The following FOXJ3 variants were observed in gnomAD, a reference collection of about 807,000 sequenced individuals.
FOXJ3 encodes the protein forkhead box J3.
A neutral mutation model predicts 76.1 loss-of-function variants in FOXJ3; 22 were observed. The ratio of observed to expected loss-of-function variants is 0.29; its 90% confidence interval spans 0.21 to 0.41. The LOEUF is 0.41. Ranked by LOEUF, FOXJ3 falls within the 10% of genes least tolerant of loss-of-function variation. The pLI is 1.00. For synonymous variants in FOXJ3, 269 were observed against 261.2 expected (o/e 1.03, Z -0.29); for missense variants, 613 against 762.1 (o/e 0.80, Z 2.30).
intron 11 of FOXJ3, among the ~76,000 whole-genome samples, chr1:42,182,826 T>C (rs1354446996): frequency 6.6e-6 from 1 of 151,970 alleles, no homozygotes; most frequent in African/African-American, 2.4e-5. Context: ...CATCACCACC[T>C]ATTTCTCTAC....
intron 2 of FOXJ3, among the ~76,000 whole-genome samples, chr1:42,296,108 G>A (rs1435462059): frequency 6.6e-6 from 1 of 152,118 alleles, no homozygotes; most frequent in East Asian, 1.9e-4. Context: ...GTAATGTTGA[G>A]TATTTTTTTC....
intron 4 of FOXJ3, among the ~76,000 whole-genome samples, chr1:42,234,072 A>C (rs1648380367): frequency 6.6e-6 from 1 of 152,202 alleles, no homozygotes; most frequent in African/African-American, 2.4e-5. Context: ...ACATAGTCCC[A>C]TATTTCTTGG....
intron 4 of FOXJ3, among the ~76,000 whole-genome samples, chr1:42,249,967 T>C (rs1303944033): frequency 6.6e-6 from 1 of 152,208 alleles, no homozygotes; most frequent in Non-Finnish European, 1.5e-5. Flanking sequence ...TGAAATACTA[T>C]TTTAGATACC....
chr1:42,242,732 G>A (rs546572206), intron 4 of FOXJ3, among the ~76,000 whole-genome samples: 187 of 152,226 alleles, frequency 1.2e-3, no homozygotes, highest in African/African-American at 3.9e-3. Flanking sequence ...GACAAATTCT[G>A]GGTGTTCCAG....
At position 42,300,484 on chromosome 1, in the gene FOXJ3, C is replaced by G. The variant is rs116062236; in HGVS notation, c.44+10566G>C. ...TATTTTTTTGGCAGGATATAAAATT[C>G]TTGGCCGGTGGTTGTGCACGGTGGC... On this transcript the variant is annotated intron_variant, in intron 2 of 12. Transcript: ENST00000361346. Among the ~76,000 whole-genome samples, 627 of 152,128 alleles carry G rather than the reference C, an allele frequency of 4.1e-3. 3 individuals are homozygous for G. The highest frequency in any genetic ancestry group is 0.014 in the African/African-American group (584 of 41,500).
At chr1:42,311,028 G>GAAAA in intron 2 of FOXJ3, 22 bp downstream of exon 2, 1 of 1,203,402 alleles carries the variant, frequency 8.3e-7, no homozygotes, top group Non-Finnish European at 1.1e-6. Flanking sequence ...TTCTAATAAA[G>GAAAA]AAAAAAAAAA....
At chr1:42,316,151 T>C (rs1489374545) in intron 1 of FOXJ3, among the ~76,000 whole-genome samples, 1 of 152,032 alleles carries the variant, frequency 6.6e-6, no homozygotes, top group Non-Finnish European at 1.5e-5. Flanking sequence ...ACTAAGTATT[T>C]TGAAAAAGCT....
chr1:42,238,776 C>T (rs1648901327), intron 4 of FOXJ3, among the ~76,000 whole-genome samples: 1 of 152,180 alleles, frequency 6.6e-6, no homozygotes, highest in Admixed American at 6.5e-5. Context: ...CTCCTGAACT[C>T]AAGCTATCCT....
intron 5 of FOXJ3, among the ~76,000 whole-genome samples, chr1:42,222,054 GAAGAAGAAGAAGAAGAAGAAGA>G (rs1647222166): frequency 9.7e-6 from 1 of 103,300 alleles, no homozygotes; most frequent in Non-Finnish European, 2.0e-5. Context: ...AGGAGAAGAA[GAAGAAGAAGAAGAAGAAGAAGA>G]AGAAGAAGAA....
chr1:42,220,714 C>A (rs1004943993), intron 5 of FOXJ3, among the ~76,000 whole-genome samples: 2 of 152,246 alleles, frequency 1.3e-5, no homozygotes, highest in East Asian at 1.9e-4. Flanking sequence ...CCAATGAGAT[C>A]GAGCTCTAGG....
intron 3 of FOXJ3, 114 bp downstream of exon 3, chr1:42,278,234 C>A: frequency 1.2e-6 from 1 of 811,030 alleles, no homozygotes; most frequent in Non-Finnish European, 1.9e-6. Context: ...CTAAAAATCA[C>A]TAGAGATCAA....
chr1:42,279,385 T>C (rs1445558889), intron 2 of FOXJ3, among the ~76,000 whole-genome samples: 1 of 152,094 alleles, frequency 6.6e-6, no homozygotes, highest in African/African-American at 2.4e-5. Context: ...AGGAACAGGT[T>C]TACAAAAACT....
At chr1:42,328,412 A>C (rs1340673606) in intron 1 of FOXJ3, among the ~76,000 whole-genome samples, 1 of 152,218 alleles carries the variant, frequency 6.6e-6, no homozygotes, top group Non-Finnish European at 1.5e-5. Flanking sequence ...TTGCACTCTA[A>C]GTTTGAGTCC....
intron 4 of FOXJ3, among the ~76,000 whole-genome samples, chr1:42,251,552 G>C (rs1470543841): frequency 6.6e-6 from 1 of 152,080 alleles, no homozygotes; most frequent in Non-Finnish European, 1.5e-5. Context: ...CATCTATTGA[G>C]ATAATCATGT....
intron 4 of FOXJ3, among the ~76,000 whole-genome samples, chr1:42,261,986 G>T (rs565471253): frequency 7.2e-5 from 11 of 152,214 alleles, no homozygotes; most frequent in African/African-American, 2.7e-4. Flanking sequence ...ACTGTGCTTT[G>T]CTTGTTCAAC....
intron 8 of FOXJ3, among the ~76,000 whole-genome samples, chr1:42,192,388 C>T (rs1322271829): frequency 6.6e-6 from 1 of 152,132 alleles, no homozygotes; most frequent in African/African-American, 2.4e-5. Flanking sequence ...TGTTTAACAG[C>T]TACACAGGAT....
intron 1 of FOXJ3, among the ~76,000 whole-genome samples, chr1:42,322,270 A>G (rs1184594391): frequency 6.6e-6 from 1 of 152,140 alleles, no homozygotes; most frequent in Non-Finnish European, 1.5e-5. Flanking sequence ...AACTGTAAAG[A>G]GATGTTTTTA....
rs920965496 is a variant in FOXJ3, at chr1:42,186,156, T to C, written c.1645+2581A>G. ...GGGAAGTAAAAGATCTGAATGGATG[T>C]GATACACAGGGATGTAAGACAGAGA... On this transcript the variant is annotated intron_variant, in intron 11 of 12. Coordinates refer to ENST00000361346, the MANE Select transcript of FOXJ3 (RefSeq NM_014947.5). 1.1e-4 allele frequency among the ~76,000 whole-genome samples: 17 copies of C among 152,034 alleles called. 1 individual carries two copies. The highest frequency in any genetic ancestry group is 8.5e-4 in the Admixed American group (13 of 15,276).
At chr1:42,210,962 G>A (rs1646955366) in intron 5 of FOXJ3, among the ~76,000 whole-genome samples, 1 of 152,266 alleles carries the variant, frequency 6.6e-6, no homozygotes, top group Admixed American at 6.5e-5. Context: ...CATCATTAAG[G>A]GAGCACCTCA....
Sources: gnomAD v4.1 joint callset for allele counts (sites outside exome capture counted in the v4.1 genomes callset) on GRCh38, gnomAD v4.1.1 for gene constraint, MANE v1.5 for transcripts, NCBI Gene and HGNC (gene_info 2026-07-23, HGNC 2026-07-21) for gene names.